The following FZD3 variants were observed in gnomAD, a reference collection of about 807,000 sequenced individuals.
The protein encoded by FZD3 is frizzled class receptor 3.
A neutral mutation model predicts 60.7 loss-of-function variants in FZD3; 30 were observed. That is an observed-to-expected ratio of 0.49 (90% CI 0.37 to 0.67). The LOEUF is 0.67. FZD3 is among the 30% of genes least tolerant of loss of function. FZD3 has a pLI of 0.00. For synonymous variants in FZD3, 246 were observed against 275.2 expected, an observed-to-expected ratio of 0.89 and a Z score of 1.05; for missense variants, 605 against 838.7, an observed-to-expected ratio of 0.72 and a Z score of 3.44.
Position 28,573,026 on chromosome 8 carries a change from A to T in FZD3, c.*10015A>T, listed in dbSNP as rs1446854409. 6.6e-6 allele frequency: 1 copy of T among 152,234 alleles called. No individual in the cohort carries two copies. Among genetic ancestry groups the T allele is most frequent in the South Asian group, 2.1e-4 (1 of 4,818 alleles). 9.4% of individuals were successfully genotyped at this position (152,234 alleles called of 1,614,324 possible). A position where few individuals can be genotyped will look rare whatever the true frequency, so the allele number is the denominator to read the frequency against. The stretch of plus-strand genomic sequence containing the variant: ...TACTCCAGGTGTCTTGGTTTTGGAT[A>T]AATTTTTATAGTGGAGAAAGGTTAC... On this transcript the variant is annotated 3_prime_UTR_variant, in exon 8 of 8. Coordinates refer to ENST00000240093, the MANE Select transcript of FZD3 (RefSeq NM_017412.4).
intron 4 of FZD3, among the ~76,000 whole-genome samples, chr8:28,526,041 A>G (rs1375457336): frequency 2.6e-5 from 4 of 152,174 alleles, no homozygotes; most frequent in African/African-American, 9.7e-5. Context: ...TTGCTTTCAG[A>G]AGGGTTGAAG....
intron 3 of FZD3, among the ~76,000 whole-genome samples, chr8:28,511,678 G>A (rs187181780): frequency 3.2e-4 from 48 of 152,262 alleles, no homozygotes; most frequent in Non-Finnish European, 5.7e-4. Context: ...TCAAGGCGTG[G>A]TGTGGATGTT....
intron 3 of FZD3, among the ~76,000 whole-genome samples, chr8:28,518,669 ACTT>A (rs147473464): frequency 0.013 from 1,955 of 151,752 alleles, 36 homozygotes; most frequent in African/African-American, 0.038. Context: ...AGTCCTTCCC[ACTT>A]CTTCTCATTT....
In FZD3 at chr8:28,496,489, A is replaced by T. The variant is rs185695701; in HGVS notation, c.-391+2146A>T. ...CCCCAGAACTCTAGAATTATGCATG[A>T]TTAAAACTGCAGCTGTGCGCAAAAA... is the stretch of plus-strand genomic sequence containing the variant. On this transcript the variant is annotated intron_variant, in intron 1 of 7. Coordinates refer to ENST00000240093, the MANE Select transcript of FZD3 (RefSeq NM_017412.4). 2.7e-3 allele frequency among the ~76,000 whole-genome samples: 410 copies of T among 152,256 alleles called. 2 individuals carry two copies. The highest frequency in any genetic ancestry group is 4.2e-3 in the Non-Finnish European group (288 of 68,008).
intron 3 of FZD3, among the ~76,000 whole-genome samples, chr8:28,513,568 A>G (rs1371369921): frequency 6.6e-6 from 1 of 152,210 alleles, no homozygotes; most frequent in Non-Finnish European, 1.5e-5. Context: ...ATACAAAATA[A>G]TTCTTAAAGT....
At chr8:28,538,764 TA>T (rs1171144795) in intron 5 of FZD3, among the ~76,000 whole-genome samples, 1 of 151,864 alleles carries the variant, frequency 6.6e-6, no homozygotes, top group African/African-American at 2.4e-5. Context: ...TAAATGAATC[TA>T]GAAACTATTC....
rs540416572 is a variant in FZD3 at position 28,569,704 on chromosome 8, T to A, written c.*6693T>A. ...TAAAGAAGGAAAATTATATTACAGA[T>A]AATAAAAATGAAAGAAAGTTATAAA... On this transcript the variant is annotated 3_prime_UTR_variant, in exon 8 of 8. Transcript: ENST00000240093. 3 of 152,324 alleles carry A rather than the reference T, an allele frequency of 2.0e-5. No individual in the cohort carries two copies. In the South Asian group the frequency reaches 6.2e-4, roughly 32 times the overall value. The allele number at this position is 152,324 out of a possible 1,614,324, so 9.4% of individuals were successfully genotyped here.
At chr8:28,516,755 T>G (rs1317638341) in intron 3 of FZD3, among the ~76,000 whole-genome samples, 1 of 152,170 alleles carries the variant, frequency 6.6e-6, no homozygotes, top group Non-Finnish European at 1.5e-5. Context: ...TTGTTCAAAC[T>G]ATTTTGCATT....
chr8:28,519,671 G>A (rs1203640140), intron 3 of FZD3, among the ~76,000 whole-genome samples: 1 of 150,576 alleles, frequency 6.6e-6, no homozygotes, highest in African/African-American at 2.4e-5. Context: ...CAGAGGTGGT[G>A]GTGAGCCGAG....
At chr8:28,541,648 T>C (rs1428129779) in intron 5 of FZD3, among the ~76,000 whole-genome samples, 1 of 152,244 alleles carries the variant, frequency 6.6e-6, no homozygotes, top group Admixed American at 6.5e-5. Context: ...CCCAACCTTG[T>C]TTCTGTGCTC....
intron 6 of FZD3, among the ~76,000 whole-genome samples, chr8:28,553,050 A>G (rs1048922765): frequency 1.3e-5 from 2 of 152,176 alleles, no homozygotes; most frequent in African/African-American, 4.8e-5. Flanking sequence ...AGCATCCTCG[A>G]ATTTTGGCAC....
At chr8:28,498,810 A>G (rs769338432) in intron 1 of FZD3, among the ~76,000 whole-genome samples, 11 of 152,170 alleles carry the variant, frequency 7.2e-5, no homozygotes, top group Non-Finnish European at 1.5e-4. Flanking sequence ...AATGATCTGC[A>G]TGCCTTCGTC....
At chr8:28,496,121 A>G (rs1803837331) in intron 1 of FZD3, among the ~76,000 whole-genome samples, 1 of 152,222 alleles carries the variant, frequency 6.6e-6, no homozygotes, top group Non-Finnish European at 1.5e-5. Flanking sequence ...TTTGAAGTAG[A>G]GAGGGCTAGG....
chr8:28,517,564 G>A (rs1381717082), intron 3 of FZD3, among the ~76,000 whole-genome samples: 3 of 152,090 alleles, frequency 2.0e-5, no homozygotes, highest in Non-Finnish European at 4.4e-5. Context: ...GCATTTACAT[G>A]TGTTAGATCT....
chr8:28,514,554 C>T (rs1410166044), intron 3 of FZD3, among the ~76,000 whole-genome samples: 2 of 152,184 alleles, frequency 1.3e-5, no homozygotes, highest in African/African-American at 2.4e-5. Flanking sequence ...TCTCTACTGC[C>T]TGCTCCAAGC....
chr8:28,552,052 A>G (rs929470966), intron 6 of FZD3, among the ~76,000 whole-genome samples: 2 of 152,236 alleles, frequency 1.3e-5, no homozygotes, highest in African/African-American at 4.8e-5. Flanking sequence ...AAGCAAATTA[A>G]TGCTTTTCTC....
rs372154667 is a variant in FZD3, at chr8:28,554,624, A to G, written c.1554-1114A>G. Among the ~76,000 whole-genome samples the G allele has an allele frequency of 9.9e-5, 15 of 152,244 alleles. 1 individual carries two copies. In the East Asian group the frequency reaches 1.9e-3, roughly 20 times the overall value. On this transcript the variant is annotated intron_variant, in intron 6 of 7. Transcript: ENST00000240093. ...TGAAATGGGGATTACAATATCTATT[A>G]TTAATAGATATCCAATATTCCCTTA...
chr8:28,506,143 A>G (rs1051743360), intron 3 of FZD3, among the ~76,000 whole-genome samples: 14 of 152,214 alleles, frequency 9.2e-5, no homozygotes, highest in South Asian at 6.2e-4. Context: ...GTCAGTAGCA[A>G]TCTTTACTGA....
intron 3 of FZD3, among the ~76,000 whole-genome samples, chr8:28,511,282 T>G (rs1297389242): frequency 6.6e-6 from 1 of 151,888 alleles, no homozygotes; most frequent in Non-Finnish European, 1.5e-5. Context: ...GGTCAAGAGA[T>G]CAAGACCAGC....
Sources: allele counts gnomAD v4.1 joint callset (sites outside exome capture counted in the v4.1 genomes callset), GRCh38; gene constraint gnomAD v4.1.1; transcripts MANE v1.5; gene names NCBI Gene and HGNC (gene_info 2026-07-23, HGNC 2026-07-21).